Variants in C12orf54 observed in about 807,000 individuals in gnomAD.
The protein encoded by C12orf54 is chromosome 12 open reading frame 54, also known as uncharacterized protein C12orf54.
A neutral mutation model predicts 26.4 loss-of-function variants in C12orf54; 24 were observed. The observed-to-expected ratio is 0.91, with a 90% confidence interval of 0.66 to 1.28. The LOEUF (loss-of-function observed/expected upper bound fraction) is 1.28, where lower values mean the gene tolerates loss of function less well. Ranked by LOEUF, C12orf54 falls within the 50% of genes most tolerant of loss-of-function variation. The pLI is 0.00. For synonymous variants in C12orf54, 54 were observed against 47.0 expected, an observed-to-expected ratio of 1.15 and a Z score of -0.61; for missense variants, 154 against 150.9, an observed-to-expected ratio of 1.02 and a Z score of -0.11.
At chr12:48,444,353 C>T in the C12orf54 span, among the ~76,000 whole-genome samples, 1 of 152,204 alleles carries the variant, frequency 6.6e-6, no homozygotes, top group Non-Finnish European at 1.5e-5. Context: ...AGAACCGCAT[C>T]ACTCATTATA....
chr12:48,439,533 T>C, the C12orf54 span, among the ~76,000 whole-genome samples: 1 of 152,100 alleles, frequency 6.6e-6, no homozygotes, highest in African/African-American at 2.4e-5. Flanking sequence ...ATTAAGAAAA[T>C]GTGGCACATA....
At chr12:48,472,515 GATA>G in the C12orf54 span, 1 of 813,842 alleles carries the variant, frequency 1.2e-6, no homozygotes, top group Non-Finnish European at 1.9e-6. Flanking sequence ...TGTGATGGGA[GATA>G]ATAGATTTTG....
the C12orf54 span, chr12:48,442,658 G>A: frequency 5.9e-6 from 1 of 170,798 alleles, no homozygotes; most frequent in Non-Finnish European, 1.3e-5. Flanking sequence ...GAAGACCTAA[G>A]CCATGCAGCC....
chr12:48,466,277 C>G, the C12orf54 span, among the ~76,000 whole-genome samples: 1 of 152,176 alleles, frequency 6.6e-6, no homozygotes, highest in Non-Finnish European at 1.5e-5. Context: ...GACGTGGTGG[C>G]TCATGCCTGT....
intron 2 of C12orf54, 106 bp from the exon 3 acceptor site, chr12:48,486,072 T>G: frequency 8.7e-7 from 1 of 1,153,364 alleles, no homozygotes; most frequent in Non-Finnish European, 1.3e-6. Context: ...ATTTTTAGTA[T>G]AGAAACTTCA....
At chr12:48,452,016 C>G in the C12orf54 span, among the ~76,000 whole-genome samples, 14 of 152,072 alleles carry the variant, frequency 9.2e-5, no homozygotes, top group African/African-American at 3.4e-4. Flanking sequence ...AAAAAGAACT[C>G]AAGTGGCCAA....
the C12orf54 span, among the ~76,000 whole-genome samples, chr12:48,467,240 T>C: frequency 6.6e-6 from 1 of 152,130 alleles, no homozygotes; most frequent in East Asian, 1.9e-4. Context: ...ACACAGATTG[T>C]CTGCAGCCAG....
chr12:48,438,825 C>A, the C12orf54 span, among the ~76,000 whole-genome samples: 52 of 152,082 alleles, frequency 3.4e-4, no homozygotes, highest in African/African-American at 1.2e-3. Flanking sequence ...TAGACAATAC[C>A]ATTCAGGACA....
chr12:48,456,641 G>T, the C12orf54 span, among the ~76,000 whole-genome samples: 50,728 of 151,982 alleles, frequency 0.33, 10,667 homozygotes, highest in Middle Eastern at 0.48. Context: ...TTTGACAATT[G>T]TTCTCCATGT....
upstream of C12orf54, among the ~76,000 whole-genome samples, chr12:48,481,459 C>T (rs1954198127): frequency 6.6e-6 from 1 of 152,076 alleles, no homozygotes; most frequent in African/African-American, 2.4e-5. Context: ...ATTTGAAGCA[C>T]TTCATGATAG....
chr12:48,443,692 C>T, the C12orf54 span, among the ~76,000 whole-genome samples: 1 of 152,290 alleles, frequency 6.6e-6, no homozygotes, highest in South Asian at 2.1e-4. Flanking sequence ...TCTGTACCCT[C>T]GTGCATTTGT....
the C12orf54 span, chr12:48,472,900 G>T: frequency 1.9e-6 from 3 of 1,614,104 alleles, no homozygotes; most frequent in Non-Finnish European, 2.5e-6. Context: ...GCCTCAGTGG[G>T]CCTAGAAGTA....
At chr12:48,415,390 C>T in the C12orf54 span, among the ~76,000 whole-genome samples, 1 of 152,316 alleles carries the variant, frequency 6.6e-6, no homozygotes, top group African/African-American at 2.4e-5. Flanking sequence ...TCCTAGCTAG[C>T]TGAAACTTCT....
chr12:48,489,326 G>GA (rs766885838), intron 5 of C12orf54: 2 of 372,158 alleles, frequency 5.4e-6, no homozygotes, highest in Non-Finnish European at 1.1e-5. Context: ...AGGGAAGTAT[G>GA]AATTAGAGAC....
chr12:48,438,691 T>G, the C12orf54 span, among the ~76,000 whole-genome samples: 1 of 152,346 alleles, frequency 6.6e-6, no homozygotes, highest in South Asian at 2.1e-4. Context: ...CTGGGAAAAC[T>G]GGCTAGCCAT....
chr12:48,481,684 C>T (rs1954200846), upstream of C12orf54, among the ~76,000 whole-genome samples: 1 of 152,072 alleles, frequency 6.6e-6, no homozygotes, highest in Non-Finnish European at 1.5e-5. Flanking sequence ...AGATTTTAGC[C>T]CTCTCCTTCT....
At chr12:48,465,353 G>A in the C12orf54 span, among the ~76,000 whole-genome samples, 3 of 152,116 alleles carry the variant, frequency 2.0e-5, no homozygotes, top group African/African-American at 7.2e-5. Flanking sequence ...TGAATAAAAA[G>A]CACAATGAGA....
At chr12:48,474,411 G>A in the C12orf54 span, among the ~76,000 whole-genome samples, 3 of 152,178 alleles carry the variant, frequency 2.0e-5, no homozygotes, top group Non-Finnish European at 2.9e-5. Context: ...AGTGGGTGCA[G>A]CACACAGTGC....
chr12:48,413,666 ATGT>A, the C12orf54 span, among the ~76,000 whole-genome samples: 2 of 152,204 alleles, frequency 1.3e-5, no homozygotes, highest in Admixed American at 6.5e-5. Flanking sequence ...TTGTAGACAC[ATGT>A]TGTTTTGACT....
Sources: allele counts gnomAD v4.1 joint callset (sites outside exome capture counted in the v4.1 genomes callset), GRCh38; gene constraint gnomAD v4.1.1; transcripts MANE v1.5; gene names NCBI Gene and HGNC (gene_info 2026-07-23, HGNC 2026-07-21).